SEPTIN7: variants seen among roughly 807,000 people sequenced by gnomAD.
The protein encoded by SEPTIN7 is septin-7.
In SEPTIN7, 10 loss-of-function variants were observed where a neutral mutation model predicts 63.3. The ratio of observed to expected loss-of-function variants is 0.16; its 90% CI spans 0.10 to 0.27. The LOEUF (loss-of-function observed/expected upper bound fraction) is 0.27, where lower values mean the gene tolerates loss of function less well. SEPTIN7 is among the 10% of genes least tolerant of loss of function. SEPTIN7 has a pLI of 1.00. For synonymous variants in SEPTIN7, 131 were observed against 165.3 expected (o/e 0.79, Z 1.59); for missense variants, 310 against 521.0 (o/e 0.59, Z 3.94).
chr7:35,868,548 T>C (rs1785956683), intron 4 of SEPTIN7, among the ~76,000 whole-genome samples: 1 of 151,860 alleles, frequency 6.6e-6, no homozygotes, highest in African/African-American at 2.4e-5. Context: ...AATGAAGTGG[T>C]AGCAAGATGG....
intron 11 of SEPTIN7, among the ~76,000 whole-genome samples, chr7:35,891,802 A>T (rs938122308): frequency 6.6e-6 from 1 of 152,214 alleles, no homozygotes; most frequent in African/African-American, 2.4e-5. Flanking sequence ...AAATTTTAAA[A>T]AACTTTTTGG....
At chr7:35,844,142 G>T (rs1284217023) in intron 3 of SEPTIN7, among the ~76,000 whole-genome samples, 1 of 152,180 alleles carries the variant, frequency 6.6e-6, no homozygotes, top group Non-Finnish European at 1.5e-5. Context: ...CGGATGACAT[G>T]AAAATGAAAA....
At chr7:35,909,023 A>C (rs1700860501), downstream of SEPTIN7, among the ~76,000 whole-genome samples, 1 of 152,216 alleles carries the variant, frequency 6.6e-6, no homozygotes, top group African/African-American at 2.4e-5. Context: ...TGGTGAGTGA[A>C]GTAATGAGCA....
chr7:35,829,223 C>T (rs771792329), intron 1 of SEPTIN7, among the ~76,000 whole-genome samples: 2 of 148,874 alleles, frequency 1.3e-5, no homozygotes, highest in Non-Finnish European at 3.0e-5. Context: ...GCAGCTTCCA[C>T]CCCCTAGGCA....
the SEPTIN7 span, among the ~76,000 whole-genome samples, chr7:35,915,014 CAT>C: frequency 1.3e-5 from 2 of 151,288 alleles, no homozygotes; most frequent in African/African-American, 2.4e-5. Flanking sequence ...TGTATGTGTA[CAT>C]ATATGTATAC....
chr7:35,886,365 C>T (rs954658182), intron 10 of SEPTIN7, among the ~76,000 whole-genome samples: 14 of 152,136 alleles, frequency 9.2e-5, no homozygotes, highest in African/African-American at 3.1e-4. Flanking sequence ...GTCTTACACA[C>T]CTGCTGAAAG....
intron 10 of SEPTIN7, among the ~76,000 whole-genome samples, chr7:35,888,199 G>A (rs1022084506): frequency 1.2e-4 from 18 of 152,186 alleles, no homozygotes; most frequent in Admixed American, 2.6e-4. Flanking sequence ...AAACTGTGGG[G>A]AAACTATTGC....
chr7:35,901,635 A>T (rs1157414358), intron 12 of SEPTIN7: 2 of 152,164 alleles, frequency 1.3e-5, no homozygotes, highest in Non-Finnish European at 2.9e-5. Flanking sequence ...ATAATTACTT[A>T]TATGTAACAA....
At chr7:35,827,331 C>G (rs1184903943) in intron 1 of SEPTIN7, among the ~76,000 whole-genome samples, 1 of 151,898 alleles carries the variant, frequency 6.6e-6, no homozygotes, top group African/African-American at 2.4e-5. Flanking sequence ...GTTCCTTATC[C>G]CGAGATATTT....
intron 6 of SEPTIN7, among the ~76,000 whole-genome samples, chr7:35,876,438 C>T (rs531474716): frequency 3.1e-4 from 47 of 152,184 alleles, no homozygotes; most frequent in African/African-American, 1.1e-3. Context: ...ATTGAAAAAC[C>T]ATAACAATTT....
intron 1 of SEPTIN7, among the ~76,000 whole-genome samples, chr7:35,812,415 CAG>C (rs1788787172): frequency 6.6e-6 from 1 of 150,410 alleles, no homozygotes; most frequent in Admixed American, 6.6e-5. Flanking sequence ...GTGGTCAACA[CAG>C]AGGAAATGCA....
chr7:35,864,611 G>A (rs1253775058), intron 4 of SEPTIN7, among the ~76,000 whole-genome samples: 1 of 152,118 alleles, frequency 6.6e-6, no homozygotes, highest in African/African-American at 2.4e-5. Context: ...TATTTTGGAT[G>A]TATCAGGTTA....
rs576877341 is a variant in SEPTIN7 at position 35,807,400 on chromosome 7, C to T, written c.61+6130C>T. Among the ~76,000 whole-genome samples the T allele has an allele frequency of 3.7e-4, 48 of 130,176 alleles. No homozygotes were observed. In the East Asian group the frequency reaches 9.9e-3, roughly 27 times the overall value. 85.4% of individuals were successfully genotyped at this position (130,176 alleles called of 152,430 possible). ...TTTTTTAGATGGAGTCTCTCTGTGT[C>T]GCCCAGGCTGGAGTGCAGTGGCGCG... On this transcript the variant is annotated intron_variant, in intron 1 of 13. Transcript: ENST00000350320.
At chr7:35,904,059 G>C (rs1375694236) in intron 13 of SEPTIN7, among the ~76,000 whole-genome samples, 195 bp from the exon 14 acceptor site, 1 of 152,034 alleles carries the variant, frequency 6.6e-6, no homozygotes, top group African/African-American at 2.4e-5. Context: ...TCAAATATTT[G>C]ATTGTCTAAG....
At chr7:35,866,312 T>C (rs1785803272) in intron 4 of SEPTIN7, among the ~76,000 whole-genome samples, 1 of 152,210 alleles carries the variant, frequency 6.6e-6, no homozygotes, top group Non-Finnish European at 1.5e-5. Context: ...ATCTTTTTGA[T>C]AGTTGGCTGG....
At chr7:35,878,701 G>A (rs1786631887) in intron 6 of SEPTIN7, among the ~76,000 whole-genome samples, 1 of 152,166 alleles carries the variant, frequency 6.6e-6, no homozygotes, top group South Asian at 2.1e-4. Context: ...GATTAGAGGA[G>A]GGGAGGAATC....
At chr7:35,886,834 G>A (rs539425293) in intron 10 of SEPTIN7, among the ~76,000 whole-genome samples, 4 of 152,328 alleles carry the variant, frequency 2.6e-5, no homozygotes, top group African/African-American at 9.6e-5. Context: ...TGAGAAGTGA[G>A]GGGGAAAATT....
At chr7:35,847,287 A>C (rs1439271936) in intron 3 of SEPTIN7, 1 of 159,498 alleles carries the variant, frequency 6.3e-6, no homozygotes, top group African/African-American at 2.4e-5. Flanking sequence ...CGATTCTTGA[A>C]CTATGGGACC....
chr7:35,845,232 A>C (rs1213220920), intron 3 of SEPTIN7, among the ~76,000 whole-genome samples: 3 of 152,086 alleles, frequency 2.0e-5, no homozygotes, highest in Non-Finnish European at 4.4e-5. Flanking sequence ...TACTACATAT[A>C]TATATTATAT....
Sources: gnomAD v4.1 joint callset for allele counts (sites outside exome capture counted in the v4.1 genomes callset) on GRCh38, gnomAD v4.1.1 for gene constraint, MANE v1.5 for transcripts, NCBI Gene and HGNC (gene_info 2026-07-23, HGNC 2026-07-21) for gene names.